The following MCC variants were observed in gnomAD, a reference collection of about 807,000 sequenced individuals.
MCC encodes MCC regulator of Wnt signaling pathway.
A neutral mutation model predicts 116.2 loss-of-function variants in MCC; 90 were observed. The ratio of observed to expected loss-of-function variants is 0.77; its 90% confidence interval spans 0.65 to 0.92. MCC has a LOEUF of 0.92. Ranked by LOEUF, MCC falls within the 40% of genes least tolerant of loss-of-function variation. The pLI, the probability that MCC is intolerant of heterozygous loss-of-function variation, is 0.00. For synonymous variants in MCC, 578 were observed against 510.5 expected (o/e 1.13, Z -1.78); for missense variants, 1,516 against 1,312.2 (o/e 1.16, Z -2.40).
intron 2 of MCC, among the ~76,000 whole-genome samples, chr5:113,379,572 T>C (rs953198759): frequency 1.3e-5 from 2 of 152,222 alleles, no homozygotes; most frequent in African/African-American, 4.8e-5. Flanking sequence ...TCTAGCATTA[T>C]AATACAAGTA....
intron 1 of MCC, among the ~76,000 whole-genome samples, chr5:113,442,657 T>A (rs933342485): frequency 3.9e-5 from 6 of 152,224 alleles, no homozygotes; most frequent in Non-Finnish European, 7.3e-5. Context: ...CTTTAATCCA[T>A]CTTGAGTTAA....
chr5:113,071,368 T>C, intron 11 of MCC, 134 bp from the exon 12 acceptor site: 1 of 896,002 alleles, frequency 1.1e-6, no homozygotes. Context: ...GACACAGTAT[T>C]TTGTCAAAGA....
At chr5:113,183,567 AT>A (rs1375348350) in intron 3 of MCC, among the ~76,000 whole-genome samples, 2 of 152,090 alleles carry the variant, frequency 1.3e-5, no homozygotes, top group South Asian at 2.1e-4. Flanking sequence ...GGAAGGGGAC[AT>A]TCATTGGCTG....
At chr5:113,263,650 A>C (rs1468437913) in intron 3 of MCC, among the ~76,000 whole-genome samples, 1 of 152,250 alleles carries the variant, frequency 6.6e-6, no homozygotes, top group Non-Finnish European at 1.5e-5. Flanking sequence ...TACTCTGAAA[A>C]GTAAAAGCTA....
intron 1 of MCC, among the ~76,000 whole-genome samples, chr5:113,406,101 C>A (rs27567): frequency 6.6e-6 from 1 of 151,846 alleles, no homozygotes; most frequent in East Asian, 1.9e-4. Flanking sequence ...AAATAACAAC[C>A]GAGAAAGAAC....
chr5:113,296,742 T>C (rs1006627208), intron 3 of MCC, among the ~76,000 whole-genome samples: 25 of 152,174 alleles, frequency 1.6e-4, no homozygotes, highest in African/African-American at 5.8e-4. Flanking sequence ...ATAGAAATAA[T>C]GGAGATCAGA....
At position 113,084,015 on chromosome 5, in the gene MCC, C is replaced by G. The variant is rs954581622; in HGVS notation, c.1635+86G>C. ...AACTAACTGGTTTATTGGAGATAGA[C>G]TTTGGAAGTTCTTCTGTCATCTATA... On this transcript the variant is annotated intron_variant, in intron 10 of 18. Transcript: ENST00000408903. 13 of 1,020,158 alleles carry G rather than the reference C, an allele frequency of 1.3e-5. No individual in the cohort carries two copies. The Admixed American group carries it at 2.5e-4, about 20-fold the overall frequency. 63.2% of individuals were successfully genotyped at this position (1,020,158 alleles called of 1,614,324 possible). A position where few individuals can be genotyped will look rare whatever the true frequency, so the allele number is the denominator to read the frequency against.
intron 3 of MCC, among the ~76,000 whole-genome samples, chr5:113,165,672 G>T (rs1007040559): frequency 6.6e-6 from 1 of 152,110 alleles, no homozygotes; most frequent in East Asian, 1.9e-4. Flanking sequence ...TTTCCTTGGG[G>T]TTTACGTTTA....
intron 1 of MCC, among the ~76,000 whole-genome samples, chr5:113,423,666 G>A (rs1048819002): frequency 6.6e-6 from 1 of 152,182 alleles, no homozygotes; most frequent in Non-Finnish European, 1.5e-5. Flanking sequence ...CTCAGAAATA[G>A]GAGAGCCAGT....
At chr5:113,439,198 C>T (rs1770955292) in intron 1 of MCC, among the ~76,000 whole-genome samples, 2 of 152,196 alleles carry the variant, frequency 1.3e-5, no homozygotes, top group Non-Finnish European at 2.9e-5. Context: ...ACCAGTTAGG[C>T]AGGCCAAAGC....
At chr5:113,113,237 T>C (rs1262706093) in intron 6 of MCC, among the ~76,000 whole-genome samples, 1 of 152,232 alleles carries the variant, frequency 6.6e-6, no homozygotes, top group Non-Finnish European at 1.5e-5. Flanking sequence ...ATCCCAGGGA[T>C]GTAATAGTTC....
intron 14 of MCC, among the ~76,000 whole-genome samples, chr5:113,063,143 C>A (rs1449764555): frequency 6.6e-6 from 1 of 152,164 alleles, no homozygotes; most frequent in Non-Finnish European, 1.5e-5. Context: ...GTTACCCTTC[C>A]AAGTCTTTCA....
intron 1 of MCC, among the ~76,000 whole-genome samples, chr5:113,419,493 C>T (rs559338027): frequency 3.3e-5 from 5 of 151,972 alleles, no homozygotes; most frequent in African/African-American, 4.8e-5. Context: ...CACCATACCC[C>T]GTTGTGATAG....
chr5:113,029,477 C>G (rs1750811296), intron 17 of MCC, among the ~76,000 whole-genome samples: 1 of 151,766 alleles, frequency 6.6e-6, no homozygotes, highest in South Asian at 2.1e-4. Context: ...AGCAACCTAC[C>G]TTGAACAGGT....
chr5:113,294,838 G>T, intron 3 of MCC: 1 of 986,088 alleles, frequency 1.0e-6, no homozygotes, highest in Non-Finnish European at 1.2e-6. Context: ...GGGCGAGGAA[G>T]ATCCGCGCCT....
chr5:113,440,497 G>T (rs557366815), intron 1 of MCC, among the ~76,000 whole-genome samples: 1 of 151,956 alleles, frequency 6.6e-6, no homozygotes. Flanking sequence ...GCATCTTATT[G>T]GTCTTTGGAT....
In MCC at chr5:113,024,293, C is replaced by T. The variant is rs893596144; in HGVS notation, c.*3009G>A. The stretch of plus-strand genomic sequence containing the variant: ...AACTTCAGAACGCTGACAAGCCAGC[C>T]GATGAGGATGAAAGTTTCAATAAGG... On this transcript the variant is annotated 3_prime_UTR_variant, in exon 19 of 19. Transcript: ENST00000408903. The T allele has an allele frequency of 3.9e-5, 6 of 152,192 alleles. No homozygotes were observed. Among genetic ancestry groups the T allele is most frequent in the African/African-American group, 1.2e-4 (5 of 41,452 alleles). The allele number at this position is 152,192 out of a possible 1,614,324, so 9.4% of individuals were successfully genotyped here. A position where few individuals can be genotyped will look rare whatever the true frequency, so the allele number is the denominator to read the frequency against.
chr5:113,161,354 G>C lies in MCC; in HGVS notation c.628-9932C>G, dbSNP rs1181046810. On this transcript the variant is annotated intron_variant, in intron 3 of 18. Transcript: ENST00000408903. ...TTCCCCAGGCGGAAACTCCCACAGA[G>C]AATTCTATGAACATGAATAAAAGGG... Among the ~76,000 whole-genome samples the C allele has an allele frequency of 1.3e-5, 2 of 152,154 alleles. 1 individual carries two copies. Among genetic ancestry groups the C allele is most frequent in the Non-Finnish European group, 2.9e-5 (2 of 68,014 alleles).
At chr5:113,030,720 A>G (rs1197173243) in intron 17 of MCC, among the ~76,000 whole-genome samples, 1 of 152,132 alleles carries the variant, frequency 6.6e-6, no homozygotes, top group Non-Finnish European at 1.5e-5. Context: ...GCATGGGAGG[A>G]TATCTGATAC....
Sources: gnomAD v4.1 joint callset for allele counts (sites outside exome capture counted in the v4.1 genomes callset) on GRCh38, gnomAD v4.1.1 for gene constraint, MANE v1.5 for transcripts, NCBI Gene and HGNC (gene_info 2026-07-23, HGNC 2026-07-21) for gene names.